MRPS15: variants seen among roughly 807,000 people sequenced by gnomAD.
MRPS15 encodes mitochondrial ribosomal protein S15.
Under a neutral mutation model 30.7 loss-of-function variants are expected in MRPS15, and 25 were observed. The observed-to-expected ratio is 0.81, with a 90% CI of 0.59 to 1.14. The LOEUF is 1.14. Among genes scored for constraint, MRPS15 ranks in the 50% most tolerant of loss-of-function variants. The probability of loss-of-function intolerance (pLI) is 0.00; values close to 1 mark genes in which losing one functional copy is unlikely to be tolerated. For synonymous variants in MRPS15, 124 were observed against 120.1 expected, an observed-to-expected ratio of 1.03 and a Z score of -0.21; for missense variants, 313 against 321.7, an observed-to-expected ratio of 0.97 and a Z score of 0.21.
chr1:36,463,924 C>T (rs543287390), intron 1 of MRPS15, 74 bp from the exon 2 acceptor site: 1 of 1,551,926 alleles, frequency 6.4e-7, no homozygotes, highest in Non-Finnish European at 8.7e-7. Flanking sequence ...GTGCCCCTCG[C>T]ATTGCCCGTC....
intron 2 of MRPS15, 24 bp from the exon 3 acceptor site, chr1:36,462,187 A>G (rs1047648714): frequency 2.5e-6 from 4 of 1,586,274 alleles, no homozygotes; most frequent in Non-Finnish European, 3.5e-6. Context: ...ATGGGGATAG[A>G]AAACACCCAG....
At chr1:36,464,067 T>C (rs145311182) in intron 1 of MRPS15, 79 bp downstream of exon 1, 2 of 1,573,440 alleles carry the variant, frequency 1.3e-6, no homozygotes, top group South Asian at 2.3e-5. Context: ...ATATCTCCCC[T>C]ACTCCTGTGC....
chr1:36,456,345 T>C lies in MRPS15; in HGVS notation c.478A>G (p.Ile160Val). The part of the protein sequence containing the change: ...KAHKRYLLMS[I>V]DQRKKMLKNL... Reference sequence around the variant, plus strand: ...TTGAGCATCTTTTTCCTCTGGTCAATGCTCATTAGCAGATAGCGTTTGTGG... The same window carrying C: ...TTGAGCATCTTTTTCCTCTGGTCAACGCTCATTAGCAGATAGCGTTTGTGG... Residue 160 changes from isoleucine (I) to valine (V), a missense_variant, in exon 7 of 8, where the codon ATT becomes GTT. Physicochemically the swap from Ile to Val is conservative, Grantham distance 29. Coordinates refer to ENST00000373116, the MANE Select transcript of MRPS15 (RefSeq NM_031280.4). The C allele has an allele frequency of 6.2e-7, 1 of 1,613,946 alleles. No homozygotes were observed. Among genetic ancestry groups the C allele is most frequent in the Non-Finnish European group, 8.5e-7 (1 of 1,179,874 alleles).
In MRPS15 at chr1:36,456,316, G is replaced by A; in HGVS notation, c.507C>T (p.Asn169=). ...AGACATCATAGTTGGTGTTACGGAG[G>A]TTTTTGAGCATCTTTTTCCTCTGGT... The part of the protein sequence containing the change: ...SIDQRKKMLK[N]LRNTNYDVFE... Residue 169 remains asparagine, a synonymous_variant, in exon 7 of 8, where the codon AAC becomes AAT. Coordinates refer to ENST00000373116, the MANE Select transcript of MRPS15 (RefSeq NM_031280.4). The A allele has an allele frequency of 6.2e-7, 1 of 1,614,170 alleles. No individual in the cohort carries two copies. The highest frequency in any genetic ancestry group is 1.6e-4 in the Middle Eastern group (1 of 6,062).
rs1650081748 is a variant in MRPS15 at position 36,460,796 on chromosome 1, A to G, written c.301-20T>C. On this transcript the variant is annotated intron_variant, in intron 4 of 7. Coordinates refer to ENST00000373116, the MANE Select transcript of MRPS15 (RefSeq NM_031280.4). ...CTCCTTCTGTTGAAGACAGAGACAG[A>G]GAAAATCTGTGGAGTCTGCCACCCT... The G allele has an allele frequency of 6.2e-7, 1 of 1,606,532 alleles. No individual in the cohort carries two copies. Among genetic ancestry groups the G allele is most frequent in the African/African-American group, 1.3e-5 (1 of 74,794 alleles).
Position 36,461,286 on chromosome 1 carries a change from A to G in MRPS15, c.278T>C (p.Leu93Ser), listed in dbSNP as rs1650093470. 1 of 1,614,112 alleles carries G rather than the reference A, an allele frequency of 6.2e-7. No homozygotes were observed. Among genetic ancestry groups the G allele is most frequent in the African/African-American group, 1.3e-5 (1 of 74,934 alleles). The change falls in exon 4 of 8, where the codon TTG (leucine) becomes TCG (serine). Residue 93 changes from leucine to serine, a missense_variant. Transcript: ENST00000373116. ...EKVDDVVKRL[L>S]SLEMANKKEM... ...CACCTTGTTGGCCATTTCCAAAGAC[A>G]AGAGTCTTTTCACGACATCATCAAC...
rs528867993 is a variant in MRPS15, at chr1:36,458,518, C to T, written c.386-537G>A. ...TGGTGGGGTTACAGGTGTGAGCCAC[C>T]GTGCCTGGCCGCAAATAGCATTCTT... On this transcript the variant is annotated intron_variant, in intron 5 of 7. Transcript: ENST00000373116. The surrounding 1 kb of genome is among the most constrained non-coding windows in gnomAD (Gnocchi z 4.5). 1.5e-3 allele frequency: 224 copies of T among 153,808 alleles called. No individual in the cohort carries two copies. Among genetic ancestry groups the T allele is most frequent in the African/African-American group, 2.1e-3 (88 of 41,544 alleles). The allele number at this position is 153,808 out of a possible 1,614,324, so 9.5% of individuals were successfully genotyped here. A position where few individuals can be genotyped will look rare whatever the true frequency, so the allele number is the denominator to read the frequency against.
chr1:36,460,566 C>T, intron 5 of MRPS15, 126 bp downstream of exon 5: 2 of 737,442 alleles, frequency 2.7e-6, no homozygotes, highest in South Asian at 1.6e-5. Context: ...ATTTTCATTG[C>T]CCTAGGTCCT....
chr1:36,461,381 T>C, intron 3 of MRPS15, 69 bp from the exon 4 acceptor site: 1 of 1,462,322 alleles, frequency 6.8e-7, no homozygotes, highest in South Asian at 1.1e-5. Context: ...TGGTTTCATT[T>C]TAGTTTGAAA....
At position 36,455,870 on chromosome 1, in the gene MRPS15, G is replaced by T; in HGVS notation, c.692C>A (p.Ala231Glu). 1 of 1,614,144 alleles carries T rather than the reference G, an allele frequency of 6.2e-7. No individual in the cohort carries two copies. Among genetic ancestry groups the T allele is most frequent in the South Asian group, 1.1e-5 (1 of 91,086 alleles). ...CCGCTTTGCTTGTTTTTGGGCTGCT[G>T]CTGCAGCCTTTAAGGCTCTTCTTCG... ...KKRRRALKAA[A>E]AAQKQAKRRN... Residue 231 changes from alanine to glutamate, a missense_variant, in exon 8 of 8, where the codon GCA (alanine) becomes GAA (glutamate). Ala to Glu is a moderately radical substitution (Grantham distance 107). Coordinates refer to ENST00000373116, the MANE Select transcript of MRPS15 (RefSeq NM_031280.4).
chr1:36,463,667 G>A, intron 2 of MRPS15, 139 bp downstream of exon 2: 1 of 955,146 alleles, frequency 1.0e-6, no homozygotes, highest in Admixed American at 2.8e-5. Flanking sequence ...CTTTGTGTAA[G>A]GTGGACGTGG....
chr1:36,460,259 G>A (rs1274901886), intron 5 of MRPS15, among the ~76,000 whole-genome samples: 1 of 152,134 alleles, frequency 6.6e-6, no homozygotes, highest in African/African-American at 2.4e-5. Context: ...CACCTGCTTG[G>A]CCTCCCAAAG....
chr1:36,463,870 C>A lies in MRPS15; in HGVS notation c.131-20G>T. 1 of 1,607,078 alleles carries A rather than the reference C, an allele frequency of 6.2e-7. No homozygotes were observed. Reference sequence around the variant, plus strand: ...GGAGACCTACGCAGAAAAGAGAGGGCTGAGGACCATCTCCTTAAATAGCCC... The same window carrying A: ...GGAGACCTACGCAGAAAAGAGAGGGATGAGGACCATCTCCTTAAATAGCCC... On this transcript the variant is annotated intron_variant, in intron 1 of 7. Transcript: ENST00000373116.
chr1:36,460,843 C>A (rs377356081), intron 4 of MRPS15, 67 bp from the exon 5 acceptor site: 28 of 1,328,394 alleles, frequency 2.1e-5, no homozygotes, highest in Non-Finnish European at 2.8e-5. Flanking sequence ...CCCTCCTCCC[C>A]CCAAGGGCCC....
Position 36,459,362 on chromosome 1 carries a change from C to T in MRPS15, c.385+1330G>A, listed in dbSNP as rs1484511314. The T allele has an allele frequency of 3.7e-4, 53 of 142,788 alleles. No individual in the cohort carries two copies. In the Admixed American group the frequency reaches 3.8e-3, roughly 10 times the overall value. 8.8% of individuals were successfully genotyped at this position (142,788 alleles called of 1,614,324 possible). The stretch of plus-strand genomic sequence containing the variant: ...GAGCCATGATCACACCTGCCACTGA[C>T]TGCATTCCAGCCTGAGTGACAGAGT... On this transcript the variant is annotated intron_variant, in intron 5 of 7. Coordinates refer to ENST00000373116, the MANE Select transcript of MRPS15 (RefSeq NM_031280.4).
intron 6 of MRPS15, among the ~76,000 whole-genome samples, chr1:36,457,128 T>C (rs1219631712): frequency 6.6e-6 from 1 of 151,958 alleles, no homozygotes; most frequent in Non-Finnish European, 1.5e-5. Flanking sequence ...TACAAAAAAT[T>C]AGCTGGGTGT....
chr1:36,456,212 A>G lies in MRPS15; in HGVS notation c.611T>C (p.Val204Ala), dbSNP rs1244038885. 8 of 1,611,546 alleles carry G rather than the reference A, an allele frequency of 5.0e-6. No homozygotes were observed. Among genetic ancestry groups the G allele is most frequent in the Non-Finnish European group, 4.2e-6 (5 of 1,178,914 alleles). The change falls in exon 7 of 8, where the codon GTG becomes GCG. Residue 204 changes from valine (V) to alanine (A), a missense_variant. Physicochemically the swap from Val to Ala is moderately conservative, Grantham distance 64. Coordinates refer to ENST00000373116, the MANE Select transcript of MRPS15 (RefSeq NM_031280.4). ...CCGAATGCACAGAGCCTTCTTGGTC[A>G]CGAATCGGCGGTGGGCTCTTCGGTA... Reference protein sequence around the residue: ...LYYRRAHRRFVTKKALCIRVF... With the variant: ...LYYRRAHRRFATKKALCIRVF...
chr1:36,462,113 A>T lies in MRPS15; in HGVS notation c.226T>A (p.Tyr76Asn). Residue 76 changes from tyrosine (Y) to asparagine (N), a missense_variant, in exon 3 of 8, where the codon TAC (tyrosine) becomes AAC (asparagine). Physicochemically the swap from Tyr to Asn is moderately radical, Grantham distance 143. Transcript: ENST00000373116. ...TTCTCAATTCCAGGGACATTCTGGT[A>T]GTCTTTGAGCAGCGTAGAGGGAGGT... The part of the protein sequence containing the change: ...DPPPSTLLKD[Y>N]QNVPGIEKVD... 1 of 1,613,220 alleles carries T rather than the reference A, an allele frequency of 6.2e-7. No homozygotes were observed. The highest frequency in any genetic ancestry group is 1.1e-5 in the South Asian group (1 of 91,010).
rs1170806679 is a variant in MRPS15 at position 36,464,142 on chromosome 1, T to C, written c.130+4A>G. 6.2e-7 allele frequency: 1 copy of C among 1,611,256 alleles called. No homozygotes were observed. Among genetic ancestry groups the C allele is most frequent in the Admixed American group, 1.7e-5 (1 of 59,334 alleles). ...GCCCGCCGTCCCATTTCTCAGCTCC[T>C]CACTTCGAGGCTGCAGGCCCCACTG... is the stretch of plus-strand genomic sequence containing the variant. On this transcript the variant is annotated splice_donor_region_variant and intron_variant, in intron 1 of 7. Coordinates refer to ENST00000373116, the MANE Select transcript of MRPS15 (RefSeq NM_031280.4).
Sources: gnomAD v4.1 joint callset for allele counts (sites outside exome capture counted in the v4.1 genomes callset) on GRCh38, gnomAD v4.1.1 for gene constraint, Gnocchi (gnomAD v3.1) non-coding constraint, MANE v1.5 for transcripts, NCBI Gene and HGNC (gene_info 2026-07-23, HGNC 2026-07-21) for gene names.